FILIP1L: variants seen among roughly 807,000 people sequenced by gnomAD.
FILIP1L encodes the protein filamin A interacting protein 1 like.
Under a neutral mutation model 96.6 loss-of-function variants are expected in FILIP1L, and 55 were observed. That is an observed-to-expected ratio of 0.57 (90% confidence interval 0.46 to 0.71). The LOEUF is 0.71. Among genes scored for constraint, FILIP1L ranks in the 30% least tolerant of loss-of-function variants. FILIP1L has a pLI of 0.00. For missense variants in FILIP1L, 1,304 were observed against 1,321.2 expected (o/e 0.99, Z 0.20); for synonymous variants, 467 against 473.9 (o/e 0.99, Z 0.19).
chr3:99,873,435 A>G (rs1705339665), intron 4 of FILIP1L, among the ~76,000 whole-genome samples: 1 of 152,170 alleles, frequency 6.6e-6, no homozygotes, highest in South Asian at 2.1e-4. Flanking sequence ...TTACATCCAC[A>G]ATATCCAGTC....
intron 1 of FILIP1L, among the ~76,000 whole-genome samples, chr3:99,977,625 A>G (rs12489030): frequency 0.096 from 14,685 of 152,222 alleles, 849 homozygotes; most frequent in African/African-American, 0.16. Flanking sequence ...TGATTTTTTT[A>G]GTATACAGGC....
chr3:100,048,015 T>A (rs1559738808), intron 1 of FILIP1L, among the ~76,000 whole-genome samples: 3 of 152,116 alleles, frequency 2.0e-5, no homozygotes, highest in African/African-American at 7.2e-5. Context: ...GGCCATAGCT[T>A]GTGAAAGTGA....
At chr3:100,088,510 G>C (rs1188890892) in intron 1 of FILIP1L, among the ~76,000 whole-genome samples, 2 of 152,128 alleles carry the variant, frequency 1.3e-5, no homozygotes, top group Non-Finnish European at 2.9e-5. Flanking sequence ...CTTTATATTT[G>C]TAGGAAATGA....
At chr3:100,000,474 G>A (rs1709810765) in intron 1 of FILIP1L, among the ~76,000 whole-genome samples, 2 of 152,178 alleles carry the variant, frequency 1.3e-5, no homozygotes, top group African/African-American at 4.8e-5. Flanking sequence ...GCCAAATCAA[G>A]GAAGGGGAGA....
intron 1 of FILIP1L, among the ~76,000 whole-genome samples, chr3:100,102,856 T>C (rs1248828218): frequency 6.6e-6 from 1 of 152,220 alleles, no homozygotes; most frequent in African/African-American, 2.4e-5. Flanking sequence ...GGAGAGAGGT[T>C]TTCTGTTTAG....
intron 1 of FILIP1L, among the ~76,000 whole-genome samples, chr3:100,015,247 A>G (rs1419685099): frequency 6.6e-6 from 1 of 151,758 alleles, no homozygotes; most frequent in South Asian, 2.1e-4. Flanking sequence ...GTTCCCTTGG[A>G]TTATATGTTT....
At chr3:99,939,227 A>G (rs991155231) in intron 1 of FILIP1L, among the ~76,000 whole-genome samples, 1 of 152,210 alleles carries the variant, frequency 6.6e-6, no homozygotes, top group East Asian at 1.9e-4. Context: ...ATTTTCCATC[A>G]TCACCTGCTC....
At chr3:99,863,063 A>G (rs1944338967) in intron 4 of FILIP1L, among the ~76,000 whole-genome samples, 1 of 152,096 alleles carries the variant, frequency 6.6e-6, no homozygotes, top group Non-Finnish European at 1.5e-5. Context: ...GCGGTCCCCA[A>G]CCTTTTTGGC....
At chr3:100,032,186 T>C (rs1020614344) in intron 1 of FILIP1L, among the ~76,000 whole-genome samples, 2 of 152,098 alleles carry the variant, frequency 1.3e-5, no homozygotes, top group Non-Finnish European at 2.9e-5. Context: ...TGAAAGACAA[T>C]TATTTAAATG....
At chr3:99,900,913 T>C (rs771460628) in intron 4 of FILIP1L, among the ~76,000 whole-genome samples, 34 of 152,206 alleles carry the variant, frequency 2.2e-4, no homozygotes, top group Non-Finnish European at 4.7e-4. Context: ...GCCTAGGCCC[T>C]AGAGTATGCC....
At chr3:99,842,357 A>T (rs543805226) in intron 5 of FILIP1L, among the ~76,000 whole-genome samples, 1 of 152,184 alleles carries the variant, frequency 6.6e-6, no homozygotes, top group Non-Finnish European at 1.5e-5. Flanking sequence ...GGTGTAAGGG[A>T]TAAAAGACTA....
At chr3:99,912,541 C>G (rs1343706974) in intron 4 of FILIP1L, among the ~76,000 whole-genome samples, 1 of 152,102 alleles carries the variant, frequency 6.6e-6, no homozygotes. Context: ...GCACACCCAG[C>G]TAAATTTTGT....
chr3:100,081,549 T>A (rs898375893), intron 1 of FILIP1L, among the ~76,000 whole-genome samples: 8 of 152,198 alleles, frequency 5.3e-5, no homozygotes, highest in African/African-American at 1.7e-4. Flanking sequence ...CTCATGAAGA[T>A]TCTTTGGTTG....
Position 100,005,746 on chromosome 3 carries a change from T to C in FILIP1L, c.-10-74716A>G, listed in dbSNP as rs1336381022. Among the ~76,000 whole-genome samples, 4 of 152,324 alleles carry C rather than the reference T, an allele frequency of 2.6e-5. No homozygotes were observed. The East Asian group carries it at 7.7e-4, about 29-fold the overall frequency. ...CAGTCATAATAAACACACTTGGTTA[T>C]GAGGAAGAGTGTTGTGAATTCAGAA... is the stretch of plus-strand genomic sequence containing the variant. On this transcript the variant is annotated intron_variant, in intron 1 of 5. Coordinates refer to ENST00000477258, the MANE Select transcript of FILIP1L (RefSeq NM_001387850.1).
intron 1 of FILIP1L, among the ~76,000 whole-genome samples, chr3:100,042,224 G>T (rs2065216905): frequency 1.3e-5 from 2 of 152,266 alleles, no homozygotes; most frequent in South Asian, 4.1e-4. Flanking sequence ...AAGCCCACAA[G>T]CTTGTAAGAT....
chr3:100,051,874 T>C (rs1316620795), intron 1 of FILIP1L, among the ~76,000 whole-genome samples: 3 of 148,600 alleles, frequency 2.0e-5, no homozygotes, highest in African/African-American at 7.3e-5. Flanking sequence ...TATAATTTAA[T>C]GTAATATATT....
At chr3:100,051,076 T>G (rs779911336) in intron 1 of FILIP1L, among the ~76,000 whole-genome samples, 30 of 152,188 alleles carry the variant, frequency 2.0e-4, no homozygotes, top group Admixed American at 7.9e-4. Flanking sequence ...TAGTATAAAT[T>G]TATTTTTAAA....
intron 1 of FILIP1L, among the ~76,000 whole-genome samples, chr3:99,977,187 G>T (rs1353898809): frequency 1.3e-5 from 2 of 152,188 alleles, no homozygotes; most frequent in African/African-American, 4.8e-5. Context: ...AGAGGCATAA[G>T]GCTGGAGGAA....
intron 5 of FILIP1L, among the ~76,000 whole-genome samples, chr3:99,846,828 A>G (rs1044835250): frequency 3.3e-5 from 5 of 152,204 alleles, no homozygotes; most frequent in African/African-American, 9.6e-5. Flanking sequence ...AAAATCAATA[A>G]CTGGCAATAA....
Sources: allele counts gnomAD v4.1 joint callset (sites outside exome capture counted in the v4.1 genomes callset), GRCh38; gene constraint gnomAD v4.1.1; transcripts MANE v1.5; gene names NCBI Gene and HGNC (gene_info 2026-07-23, HGNC 2026-07-21).